The following CAST variants were observed in gnomAD, a reference collection of about 807,000 sequenced individuals.
CAST encodes MIR583 host.
A neutral mutation model predicts 119.6 loss-of-function variants in CAST; 76 were observed. The observed-to-expected ratio is 0.64, with a 90% CI of 0.53 to 0.77. CAST has a LOEUF of 0.77. Among genes scored for constraint, CAST ranks in the 30% least tolerant of loss-of-function variants. The pLI is 0.00. For synonymous variants in CAST, 319 were observed against 331.6 expected (o/e 0.96, Z 0.41); for missense variants, 953 against 946.5 (o/e 1.01, Z -0.09).
intron 16 of CAST, among the ~76,000 whole-genome samples, chr5:96,746,140 G>A (rs1763703272): frequency 6.6e-6 from 1 of 152,178 alleles, no homozygotes; most frequent in South Asian, 2.1e-4. Flanking sequence ...CCCTGGCTGG[G>A]CTACTTTTGC....
chr5:96,666,837 G>T (rs184666513), intron 1 of CAST, among the ~76,000 whole-genome samples: 5 of 152,256 alleles, frequency 3.3e-5, no homozygotes, highest in Non-Finnish European at 7.4e-5. Flanking sequence ...ACAGTGGGGG[G>T]TCATGTGAGA....
chr5:96,022,667 G>A, the CAST span, among the ~76,000 whole-genome samples: 4 of 152,118 alleles, frequency 2.6e-5, no homozygotes, highest in Non-Finnish European at 2.9e-5. Context: ...GGGTTCTTCC[G>A]AGAAACAGAA....
chr5:96,739,986 A>C (rs1014155646), intron 11 of CAST, 52 bp from the exon 12 acceptor site: 23 of 827,100 alleles, frequency 2.8e-5, no homozygotes, highest in Non-Finnish European at 4.2e-5. Context: ...TGCATATAGC[A>C]TTGTCAGGTA....
At chr5:96,600,178 G>A (rs571633549) in intron 1 of CAST, among the ~76,000 whole-genome samples, 25 of 152,266 alleles carry the variant, frequency 1.6e-4, no homozygotes, top group Admixed American at 5.9e-4. Context: ...AGAGTATATC[G>A]TTCTTGCCAA....
At chr5:96,695,429 C>A (rs758721021) in intron 2 of CAST, among the ~76,000 whole-genome samples, 7 of 152,100 alleles carry the variant, frequency 4.6e-5, no homozygotes, top group Non-Finnish European at 1.0e-4. Context: ...TACTTTTTCT[C>A]TTCTCTTATT....
At chr5:96,636,998 TC>T (rs1035090297) in intron 1 of CAST, among the ~76,000 whole-genome samples, 4 of 151,930 alleles carry the variant, frequency 2.6e-5, no homozygotes, top group African/African-American at 4.8e-5. Flanking sequence ...TAGATCACAG[TC>T]CCCCCTCTGG....
At chr5:96,513,442 A>T in the CAST span, among the ~76,000 whole-genome samples, 2 of 152,208 alleles carry the variant, frequency 1.3e-5, no homozygotes, top group Non-Finnish European at 2.9e-5. Context: ...CTTGACTAGG[A>T]TGGGCAGGGA....
chr5:96,268,625 G>A, the CAST span, among the ~76,000 whole-genome samples: 109 of 152,034 alleles, frequency 7.2e-4, no homozygotes, highest in African/African-American at 2.5e-3. Flanking sequence ...AAAAATAAAA[G>A]GCACAGCATA....
chr5:96,677,765 A>C (rs1050456331), intron 2 of CAST, among the ~76,000 whole-genome samples: 1 of 152,340 alleles, frequency 6.6e-6, no homozygotes, highest in Non-Finnish European at 1.5e-5. Flanking sequence ...ATGGCTTTAG[A>C]CAAAATAAAC....
chr5:96,746,407 C>T lies in CAST; in HGVS notation c.1266C>T (p.Tyr422=), dbSNP rs1483536890. The T allele has an allele frequency of 6.2e-7, 1 of 1,605,376 alleles. No individual in the cohort carries two copies. The highest frequency in any genetic ancestry group is 1.1e-5 in the South Asian group (1 of 90,936). Residue 422 remains tyrosine (Y), a synonymous_variant, in exon 17 of 32, where the codon TAC becomes TAT. Coordinates refer to ENST00000675179, the MANE Select transcript of CAST (RefSeq NM_001750.7). ...ATGATGAAACAATCCCATCTGAGTA[C>T]AGATTAAAACCAGCCACGGTAAATT... ...GEDDETIPSE[Y]RLKPATDKDG...
chr5:96,525,679 A>G (rs1745587021), upstream of CAST, among the ~76,000 whole-genome samples: 2 of 152,238 alleles, frequency 1.3e-5, no homozygotes, highest in African/African-American at 2.4e-5. Context: ...ATAATCAAGT[A>G]TAAATGATTA....
intron 1 of CAST, among the ~76,000 whole-genome samples, chr5:96,555,616 CCTAGCTCAT>C (rs1746223816): frequency 6.6e-6 from 1 of 152,164 alleles, no homozygotes; most frequent in African/African-American, 2.4e-5. Context: ...GCCCATGGAG[CCTAGCTCAT>C]TGCTAGCATA....
At chr5:96,554,635 A>G (rs756988263) in intron 1 of CAST, among the ~76,000 whole-genome samples, 1 of 152,230 alleles carries the variant, frequency 6.6e-6, no homozygotes, top group Non-Finnish European at 1.5e-5. Context: ...AGAATGGGAG[A>G]AAATTTTTCA....
At chr5:96,495,689 C>G in the CAST span, among the ~76,000 whole-genome samples, 2 of 152,114 alleles carry the variant, frequency 1.3e-5, no homozygotes, top group African/African-American at 4.8e-5. Flanking sequence ...TGGGTTGGTT[C>G]CAAGTCTTTG....
chr5:96,746,323 TC>T lies in CAST; in HGVS notation c.1201-15del. 6.9e-7 allele frequency: 1 copy of T among 1,453,078 alleles called. No individual in the cohort carries two copies. The highest frequency in any genetic ancestry group is 9.7e-7 in the Non-Finnish European group (1 of 1,033,572). The allele number at this position is 1,453,078 out of a possible 1,614,324, so 90.0% of individuals were successfully genotyped here. A position where few individuals can be genotyped will look rare whatever the true frequency, so the allele number is the denominator to read the frequency against. ...GTGCATTATCCAACTACTTTTTTTT[TC>T]CCCTCCATTTTCATCAGGCAAAAGC... On this transcript the variant is annotated intron_variant, in intron 16 of 31. Transcript: ENST00000675179.
chr5:96,338,879 G>A, the CAST span, among the ~76,000 whole-genome samples: 1 of 152,212 alleles, frequency 6.6e-6, no homozygotes, highest in East Asian at 1.9e-4. Context: ...GTCTTCCTCT[G>A]TGTGCCATTC....
At chr5:96,163,678 G>C in the CAST span, among the ~76,000 whole-genome samples, 1 of 152,154 alleles carries the variant, frequency 6.6e-6, no homozygotes, top group Admixed American at 6.5e-5. Flanking sequence ...TCAAGACTTA[G>C]GACATCCTTA....
At chr5:96,186,563 G>A in the CAST span, among the ~76,000 whole-genome samples, 1 of 152,170 alleles carries the variant, frequency 6.6e-6, no homozygotes. Flanking sequence ...ATGAAGAGAT[G>A]TTGAATTTTA....
the CAST span, among the ~76,000 whole-genome samples, chr5:96,299,159 T>G: frequency 6.6e-6 from 1 of 151,870 alleles, no homozygotes; most frequent in Non-Finnish European, 1.5e-5. Flanking sequence ...GCAGTAGAAT[T>G]GCTTGAACCC....
Sources: gnomAD v4.1 joint callset for allele counts (sites outside exome capture counted in the v4.1 genomes callset) on GRCh38, gnomAD v4.1.1 for gene constraint, MANE v1.5 for transcripts, NCBI Gene and HGNC (gene_info 2026-07-23, HGNC 2026-07-21) for gene names.